PRELID2: variants seen among roughly 807,000 people sequenced by gnomAD.
The protein encoded by PRELID2 is PRELI domain-containing protein 2.
PRELID2 carries 25 observed loss-of-function variants against 28.4 expected under a neutral mutation model. That is an observed-to-expected ratio of 0.88 (90% confidence interval 0.64 to 1.23). The LOEUF is 1.23. Ranked by LOEUF, PRELID2 falls within the 50% of genes most tolerant of loss-of-function variation. The pLI, the probability that PRELID2 is intolerant of heterozygous loss-of-function variation, is 0.00. For synonymous variants in PRELID2, 76 were observed against 71.6 expected (o/e 1.06, Z -0.31); for missense variants, 201 against 214.4 (o/e 0.94, Z 0.39).
intron 1 of PRELID2, among the ~76,000 whole-genome samples, chr5:145,475,464 C>A (rs1367350009): frequency 3.3e-5 from 5 of 152,160 alleles, no homozygotes; most frequent in African/African-American, 1.2e-4. Context: ...TTCCAAATCT[C>A]AATTTCAGGT....
At chr5:145,769,008 A>C (rs1042230805) in intron 5 of PRELID2, among the ~76,000 whole-genome samples, 6 of 152,214 alleles carry the variant, frequency 3.9e-5, no homozygotes, top group Admixed American at 6.5e-5. Flanking sequence ...GACCAAATCA[A>C]AGCCCAGTCA....
At chr5:145,513,976 A>C (rs1021527573) in intron 1 of PRELID2, among the ~76,000 whole-genome samples, 1 of 152,176 alleles carries the variant, frequency 6.6e-6, no homozygotes, top group African/African-American at 2.4e-5. Context: ...GACCTGTCTT[A>C]CAAGAGCTCC....
chr5:145,667,968 A>G (rs1274581976), intron 1 of PRELID2, among the ~76,000 whole-genome samples: 1 of 152,096 alleles, frequency 6.6e-6, no homozygotes, highest in East Asian at 1.9e-4. Context: ...AAAAACAAGT[A>G]TTTCAGGCTT....
chr5:145,319,987 G>C, the PRELID2 span, among the ~76,000 whole-genome samples: 1 of 152,162 alleles, frequency 6.6e-6, no homozygotes, highest in African/African-American at 2.4e-5. Context: ...CAGTTCATCA[G>C]ACCTATCCCT....
chr5:145,686,346 T>C (rs1755038314), intron 1 of PRELID2, among the ~76,000 whole-genome samples: 1 of 152,112 alleles, frequency 6.6e-6, no homozygotes, highest in Admixed American at 6.6e-5. Context: ...TGAATATTTA[T>C]AATATAAATA....
intron 4 of PRELID2, among the ~76,000 whole-genome samples, chr5:145,810,523 A>G (rs1581248879): frequency 6.6e-6 from 1 of 152,334 alleles, no homozygotes; most frequent in East Asian, 1.9e-4. Flanking sequence ...AAATTGAGGC[A>G]CTCATAGCCC....
the PRELID2 span, among the ~76,000 whole-genome samples, chr5:145,242,488 G>A: frequency 2.6e-5 from 4 of 151,978 alleles, no homozygotes; most frequent in Admixed American, 6.6e-5. Context: ...ATATTAAAGG[G>A]TCTGTCCAAG....
the PRELID2 span, chr5:145,229,215 C>T: frequency 1.2e-5 from 10 of 809,946 alleles, no homozygotes; most frequent in South Asian, 1.2e-4. Flanking sequence ...CTGCTACTCG[C>T]TGGCCCCCCA....
the PRELID2 span, among the ~76,000 whole-genome samples, chr5:145,331,706 G>A: frequency 6.6e-6 from 1 of 151,988 alleles, no homozygotes; most frequent in Non-Finnish European, 1.5e-5. Context: ...ACACTGATGG[G>A]TCTTGAGTCT....
chr5:145,386,137 A>G, the PRELID2 span, among the ~76,000 whole-genome samples: 1 of 152,182 alleles, frequency 6.6e-6, no homozygotes, highest in African/African-American at 2.4e-5. Flanking sequence ...TCATGGCAGA[A>G]AGGGAAGCAA....
chr5:145,701,200 G>A (rs1270667301), intron 1 of PRELID2, among the ~76,000 whole-genome samples: 1 of 152,168 alleles, frequency 6.6e-6, no homozygotes, highest in Non-Finnish European at 1.5e-5. Context: ...TTAAAATGTA[G>A]GTGACAGAGT....
intron 1 of PRELID2, among the ~76,000 whole-genome samples, chr5:145,625,844 C>T (rs1325133967): frequency 2.0e-5 from 3 of 152,114 alleles, no homozygotes; most frequent in African/African-American, 7.2e-5. Context: ...CTTGACTTCC[C>T]TCCATCTTAC....
intron 1 of PRELID2, among the ~76,000 whole-genome samples, chr5:145,605,839 T>C (rs1399823724): frequency 6.6e-6 from 1 of 152,044 alleles, no homozygotes; most frequent in Non-Finnish European, 1.5e-5. Context: ...TAGCATTGAA[T>C]CTGTATTTTG....
At chr5:145,800,307 C>CACACACAA (rs1249758872) in intron 4 of PRELID2, among the ~76,000 whole-genome samples, 4 of 148,902 alleles carry the variant, frequency 2.7e-5, no homozygotes, top group Non-Finnish European at 5.9e-5. Context: ...CTCTTACACA[C>CACACACAA]ACACACACAC....
At position 145,504,098 on chromosome 5, in the gene PRELID2, C is replaced by G. The variant is rs529783836; in HGVS notation, n.71-30783G>C. Among the ~76,000 whole-genome samples the G allele has an allele frequency of 2.0e-5, 3 of 152,270 alleles. No individual in the cohort carries two copies. In the South Asian group the frequency reaches 6.2e-4, roughly 32 times the overall value. On this transcript the variant is annotated intron_variant and non_coding_transcript_variant, in intron 1 of 2. Coordinates refer to the PRELID2 transcript ENST00000510259. ...AGCCAGGCTGACCTCAGAAGCAACACTTTAAAGTGCTAGACTATAATGCCA... is the reference window on the plus strand; with the variant it reads ...AGCCAGGCTGACCTCAGAAGCAACAGTTTAAAGTGCTAGACTATAATGCCA...
intron 1 of PRELID2, among the ~76,000 whole-genome samples, chr5:145,582,590 G>T (rs1175738782): frequency 6.6e-6 from 1 of 151,884 alleles, no homozygotes; most frequent in East Asian, 1.9e-4. Flanking sequence ...ATAAAATGGT[G>T]ATACAATCAG....
chr5:145,690,291 C>T (rs775424783), intron 1 of PRELID2, among the ~76,000 whole-genome samples: 19 of 152,254 alleles, frequency 1.2e-4, no homozygotes, highest in African/African-American at 3.1e-4. Context: ...CCGCATCTGG[C>T]GAGGGGATCC....
the PRELID2 span, among the ~76,000 whole-genome samples, chr5:145,421,697 T>C: frequency 1.4e-5 from 2 of 144,864 alleles, no homozygotes; most frequent in African/African-American, 5.1e-5. Flanking sequence ...CCTGGATTCA[T>C]TAATTTTTTG....
At chr5:145,478,851 G>A (rs553339009) in intron 1 of PRELID2, among the ~76,000 whole-genome samples, 1 of 152,152 alleles carries the variant, frequency 6.6e-6, no homozygotes, top group African/African-American at 2.4e-5. Flanking sequence ...GCCCAAACTG[G>A]ATCTACTCTG....
Sources: allele counts gnomAD v4.1 joint callset (sites outside exome capture counted in the v4.1 genomes callset), GRCh38; gene constraint gnomAD v4.1.1; transcripts MANE v1.5; gene names NCBI Gene and HGNC (gene_info 2026-07-23, HGNC 2026-07-21).